TRIM5: variants seen among roughly 807,000 people sequenced by gnomAD.
TRIM5 encodes the protein tripartite motif-containing protein 5.
TRIM5 carries 31 observed loss-of-function variants against 35.6 expected under a neutral mutation model. The observed-to-expected ratio is 0.87, with a 90% CI of 0.65 to 1.18. TRIM5 has a LOEUF of 1.18. Among genes scored for constraint, TRIM5 ranks in the 50% most tolerant of loss-of-function variants. The probability of loss-of-function intolerance (pLI) is 0.00; values close to 1 mark genes in which losing one functional copy is unlikely to be tolerated. For missense variants in TRIM5, 609 were observed against 591.6 expected (o/e 1.03, Z -0.31); for synonymous variants, 243 against 215.6 (o/e 1.13, Z -1.11).
At chr11:5,604,089 G>A in the TRIM5 span, among the ~76,000 whole-genome samples, 2 of 152,030 alleles carry the variant, frequency 1.3e-5, no homozygotes, top group Non-Finnish European at 2.9e-5. Context: ...TCCGCCTCCC[G>A]GGTTCAAGCA....
At chr11:5,672,887 A>C (rs140898960) in intron 4 of TRIM5, among the ~76,000 whole-genome samples, 141 of 152,222 alleles carry the variant, frequency 9.3e-4, no homozygotes, top group Non-Finnish European at 1.2e-3. Flanking sequence ...TGCATATTGT[A>C]ATCATTAGAG....
the TRIM5 span, chr11:5,633,970 C>CT: frequency 6.6e-7 from 1 of 1,518,446 alleles, no homozygotes; most frequent in East Asian, 2.3e-5. Context: ...AGGCCTCGTC[C>CT]TTTTTATTCC....
the TRIM5 span, chr11:5,643,370 T>G: frequency 7.4e-6 from 12 of 1,613,980 alleles, no homozygotes; most frequent in Middle Eastern, 1.6e-4. Context: ...ATATGAAGTA[T>G]GTTGTTAGAA....
chr11:5,621,418 T>C, the TRIM5 span, among the ~76,000 whole-genome samples: 2 of 152,220 alleles, frequency 1.3e-5, no homozygotes, highest in African/African-American at 4.8e-5. Context: ...TAGCCACTCC[T>C]GTTTACATAG....
the TRIM5 span, among the ~76,000 whole-genome samples, chr11:5,627,630 A>T: frequency 6.6e-5 from 10 of 152,284 alleles, no homozygotes; most frequent in South Asian, 1.2e-3. Flanking sequence ...GCTCTTGGGG[A>T]GAGAGTCATT....
chr11:5,633,821 C>G, the TRIM5 span: 2 of 1,613,872 alleles, frequency 1.2e-6, no homozygotes, highest in Non-Finnish European at 1.7e-6. Context: ...TCCAGGCAGT[C>G]CTCAAGAGGC....
At chr11:5,667,643 C>A (rs778840133) in intron 5 of TRIM5, 46 bp downstream of exon 5, 16 of 1,602,448 alleles carry the variant, frequency 1.0e-5, no homozygotes, top group African/African-American at 1.3e-5. Context: ...GGCTATAAAT[C>A]TCTCCTCACT....
At chr11:5,603,783 A>G in the TRIM5 span, 1 of 1,595,734 alleles carries the variant, frequency 6.3e-7, no homozygotes, top group Non-Finnish European at 8.5e-7. Context: ...GGTCTTTGGC[A>G]GGTTTTAACG....
At chr11:5,666,123 C>T in intron 5 of TRIM5, 42 bp from the exon 6 acceptor site, 5 of 1,528,590 alleles carry the variant, frequency 3.3e-6, no homozygotes, top group Non-Finnish European at 4.4e-6. Context: ...AAACCTTTGA[C>T]CTTGTGTCCG....
the TRIM5 span, among the ~76,000 whole-genome samples, chr11:5,594,770 C>T: frequency 2.6e-5 from 4 of 152,096 alleles, no homozygotes; most frequent in African/African-American, 9.7e-5. Flanking sequence ...ATTTCTAACC[C>T]TCTGGGTGTC....
the TRIM5 span, among the ~76,000 whole-genome samples, chr11:5,599,745 C>T: frequency 6.6e-6 from 1 of 152,160 alleles, no homozygotes; most frequent in African/African-American, 2.4e-5. Flanking sequence ...TAAGATAGCA[C>T]ATTTATTTCT....
At chr11:5,676,223 G>A (rs959232712) in intron 4 of TRIM5, among the ~76,000 whole-genome samples, 3 of 152,024 alleles carry the variant, frequency 2.0e-5, no homozygotes, top group Non-Finnish European at 2.9e-5. Context: ...ACCCAGTAAT[G>A]GGATGGCTGG....
chr11:5,627,024 C>A, the TRIM5 span, among the ~76,000 whole-genome samples: 1 of 152,144 alleles, frequency 6.6e-6, no homozygotes. Context: ...TGATTGACAT[C>A]TGCTTTAAGG....
In TRIM5 at chr11:5,663,728, T is replaced by A. The variant is rs756521555; in HGVS notation, c.*1081A>T. 6.6e-6 allele frequency: 2 copies of A among 302,688 alleles called. No homozygotes were observed. Among genetic ancestry groups the A allele is most frequent in the Non-Finnish European group, 9.7e-6 (2 of 205,756 alleles). 18.8% of individuals were successfully genotyped at this position (302,688 alleles called of 1,614,324 possible). On this transcript the variant is annotated 3_prime_UTR_variant, in exon 8 of 8. Coordinates refer to ENST00000380034, the MANE Select transcript of TRIM5 (RefSeq NM_033034.3). ...TTGCGTAATAACCGAACCAGGGTAA[T>A]TAGCATATCCATCACCTCAAATATG...
the TRIM5 span, among the ~76,000 whole-genome samples, chr11:5,602,178 T>C: frequency 7.0e-4 from 106 of 152,308 alleles, 1 homozygote; most frequent in South Asian, 1.9e-3. Context: ...CAGTGGCTCA[T>C]GCCTGTAGTC....
the TRIM5 span, chr11:5,610,406 G>A: frequency 1.0e-4 from 165 of 1,580,792 alleles, 2 homozygotes; most frequent in South Asian, 1.7e-3. Context: ...GTATTTAAGG[G>A]GAGATGAAAT....
At chr11:5,638,998 A>G in the TRIM5 span, among the ~76,000 whole-genome samples, 1 of 152,194 alleles carries the variant, frequency 6.6e-6, no homozygotes, top group East Asian at 1.9e-4. Flanking sequence ...ATCTATATCT[A>G]TCTTTAACTA....
chr11:5,609,922 CA>C, the TRIM5 span, among the ~76,000 whole-genome samples: 428 of 149,244 alleles, frequency 2.9e-3, no homozygotes, highest in African/African-American at 9.8e-3. Context: ...GACTCCTTCT[CA>C]AAAAAAAAAG....
the TRIM5 span, chr11:5,611,672 C>T: frequency 4.3e-6 from 1 of 231,928 alleles, no homozygotes. Context: ...AGGCTGATCT[C>T]GAACTCCTGA....
Sources: allele counts gnomAD v4.1 joint callset (sites outside exome capture counted in the v4.1 genomes callset), GRCh38; gene constraint gnomAD v4.1.1; transcripts MANE v1.5; gene names NCBI Gene and HGNC (gene_info 2026-07-23, HGNC 2026-07-21).